The following ABCC9 variants were observed in gnomAD, a reference collection of about 807,000 sequenced individuals.
ABCC9 encodes ATP-binding cassette sub-family C member 9.
A neutral mutation model predicts 188.3 loss-of-function variants in ABCC9; 95 were observed. That is an observed-to-expected ratio of 0.50 (90% CI 0.43 to 0.60). ABCC9 has a LOEUF of 0.60. Among genes scored for constraint, ABCC9 ranks in the 20% least tolerant of loss-of-function variants. The pLI, the probability that ABCC9 is intolerant of heterozygous loss-of-function variation, is 0.00. For missense variants in ABCC9, 1,102 were observed against 1,876.3 expected (o/e 0.59, Z 7.62); for synonymous variants, 659 against 652.7 (o/e 1.01, Z -0.15).
intron 31 of ABCC9, among the ~76,000 whole-genome samples, chr12:21,819,841 T>C (rs923533314): frequency 6.6e-6 from 1 of 152,202 alleles, no homozygotes; most frequent in African/African-American, 2.4e-5. Context: ...AAAAATCACA[T>C]AGAGTTAATC....
In ABCC9 at chr12:21,812,633, A is replaced by G. The variant is rs144569546; in HGVS notation, c.4103-476T>C. ...CAAATACTGCATGTTCTCACTCATA[A>G]GTGGGAGTTGAACAATGAGAACACA... On this transcript the variant is annotated intron_variant, in intron 35 of 39. Transcript: ENST00000261200. 8.0e-3 allele frequency among the ~76,000 whole-genome samples: 1,216 copies of G among 152,166 alleles called. 16 individuals carry two copies. The highest frequency in any genetic ancestry group is 0.028 in the African/African-American group (1,162 of 41,516).
intron 39 of ABCC9, among the ~76,000 whole-genome samples, chr12:21,804,423 G>A (rs1244148112): frequency 6.6e-6 from 1 of 152,120 alleles, no homozygotes; most frequent in Non-Finnish European, 1.5e-5. Flanking sequence ...CCATTTTGGG[G>A]CAACAGGGAG....
intron 29 of ABCC9, among the ~76,000 whole-genome samples, chr12:21,841,508 G>GCA (rs1206478760): frequency 1.3e-5 from 2 of 151,436 alleles, no homozygotes; most frequent in African/African-American, 4.8e-5. Context: ...ACAGGCGGGT[G>GCA]CCACCACGCC....
chr12:21,814,186 CATTAAGCAATGTT>C lies in ABCC9; in HGVS notation c.4102+445_4102+457del, dbSNP rs1230387980. ...TGCCTCCTCACAAAACGTTCAATGTCATTAAGCAATGTTATTAAGCAGATGATGGTAAGAGTCA... is the reference window on the plus strand; with the variant it reads ...TGCCTCCTCACAAAACGTTCAATGTCATTAAGCAGATGATGGTAAGAGTCA... On this transcript the variant is annotated intron_variant, in intron 35 of 39. Coordinates refer to ENST00000261200, the MANE Select transcript of ABCC9 (RefSeq NM_020297.4). 1.5e-4 allele frequency among the ~76,000 whole-genome samples: 23 copies of C among 152,278 alleles called. No homozygotes were observed. The East Asian group carries it at 4.4e-3, about 29-fold the overall frequency.
chr12:21,894,224 A>G (rs934244344), intron 13 of ABCC9, 50 bp from the exon 14 acceptor site: 32 of 1,599,126 alleles, frequency 2.0e-5, no homozygotes, highest in Non-Finnish European at 2.3e-5. Context: ...AGTGTCACAC[A>G]TGCGTACATT....
At chr12:21,862,538 G>A (rs566934043) in intron 20 of ABCC9, among the ~76,000 whole-genome samples, 1 of 151,992 alleles carries the variant, frequency 6.6e-6, no homozygotes, top group Non-Finnish European at 1.5e-5. Context: ...GAAAGATGGT[G>A]TATTCTGGCT....
chr12:21,916,838 T>C (rs1948619526), intron 6 of ABCC9, 99 bp downstream of exon 6: 1 of 1,027,586 alleles, frequency 9.7e-7, no homozygotes, highest in Admixed American at 2.5e-5. Flanking sequence ...CAAATACATG[T>C]GTTCATCCTT....
At chr12:21,918,295 A>C (rs904293016) in intron 5 of ABCC9, among the ~76,000 whole-genome samples, 7 of 152,124 alleles carry the variant, frequency 4.6e-5, no homozygotes, top group Non-Finnish European at 8.8e-5. Flanking sequence ...GATTTAGAAG[A>C]TGTATTAGAA....
chr12:21,855,176 ATAAT>A (rs1945157161), intron 22 of ABCC9, among the ~76,000 whole-genome samples: 1 of 152,098 alleles, frequency 6.6e-6, no homozygotes, highest in Middle Eastern at 3.2e-3. Context: ...AATTTTTATA[ATAAT>A]TCAATTTGAC....
chr12:21,876,884 A>G (rs1946380197), intron 16 of ABCC9, among the ~76,000 whole-genome samples: 1 of 152,244 alleles, frequency 6.6e-6, no homozygotes, highest in African/African-American at 2.4e-5. Flanking sequence ...CCCTTCATAA[A>G]ATGAATAACT....
intron 13 of ABCC9, among the ~76,000 whole-genome samples, chr12:21,894,839 A>G (rs193107916): frequency 6.6e-6 from 1 of 152,318 alleles, no homozygotes; most frequent in East Asian, 1.9e-4. Flanking sequence ...ATATAATGCA[A>G]TTATTTAAGA....
rs1173891201 is a variant in ABCC9 at position 21,926,074 on chromosome 12, C to T, written c.285-11G>A. ...CTTGATTCCCGCCGCCTAGAAAGAG[C>T]AGTACGTCAACGCCTAAAGCTGATG... On this transcript the variant is annotated splice_polypyrimidine_tract_variant and intron_variant, in intron 4 of 39. Transcript: ENST00000261200. 2 of 1,613,910 alleles carry T rather than the reference C, an allele frequency of 1.2e-6. No individual in the cohort carries two copies. The highest frequency in any genetic ancestry group is 1.7e-6 in the Non-Finnish European group (2 of 1,179,902).
chr12:21,807,561 A>G, intron 37 of ABCC9, 82 bp from the exon 38 acceptor site: 2 of 1,579,704 alleles, frequency 1.3e-6, no homozygotes, highest in Non-Finnish European at 8.7e-7. Flanking sequence ...AAAACACATT[A>G]TGTTGTATGA....
intron 14 of ABCC9, among the ~76,000 whole-genome samples, chr12:21,888,205 C>T (rs1427743046): frequency 1.3e-5 from 2 of 152,068 alleles, no homozygotes; most frequent in African/African-American, 2.4e-5. Context: ...TTCAACAGAA[C>T]CTTCTTTGCA....
intron 31 of ABCC9, among the ~76,000 whole-genome samples, chr12:21,827,858 T>G (rs1275117053): frequency 6.6e-6 from 1 of 152,216 alleles, no homozygotes; most frequent in Non-Finnish European, 1.5e-5. Flanking sequence ...GAGGAGAATC[T>G]CTGTAAACCA....
At chr12:21,875,763 T>C (rs1309051026) in intron 16 of ABCC9, 37 bp from the exon 17 acceptor site, 1 of 1,464,242 alleles carries the variant, frequency 6.8e-7, no homozygotes, top group East Asian at 2.3e-5. Flanking sequence ...ATTATATGTG[T>C]GGTATCAATG....
chr12:21,905,169 G>T (rs925762691), intron 12 of ABCC9, among the ~76,000 whole-genome samples: 8 of 151,986 alleles, frequency 5.3e-5, no homozygotes, highest in Non-Finnish European at 1.0e-4. Flanking sequence ...ACTATTGCAG[G>T]GACAAAAAAC....
At chr12:21,907,340 C>T (rs1304775279) in intron 11 of ABCC9, among the ~76,000 whole-genome samples, 3 of 151,984 alleles carry the variant, frequency 2.0e-5, no homozygotes, top group African/African-American at 4.8e-5. Context: ...ACATGCAACT[C>T]GCTTGTCATA....
intron 30 of ABCC9, among the ~76,000 whole-genome samples, chr12:21,829,497 G>A (rs557046153): frequency 8.8e-4 from 134 of 152,186 alleles, no homozygotes; most frequent in African/African-American, 2.9e-3. Context: ...CACCGCACCC[G>A]GCCCAGTAAA....
Sources: gnomAD v4.1 joint callset for allele counts (sites outside exome capture counted in the v4.1 genomes callset) on GRCh38, gnomAD v4.1.1 for gene constraint, MANE v1.5 for transcripts, NCBI Gene and HGNC (gene_info 2026-07-23, HGNC 2026-07-21) for gene names.